Variants in HPS5 observed in about 807,000 individuals in gnomAD.
HPS5 encodes the protein BLOC-2 complex member HPS5.
A neutral mutation model predicts 128.0 loss-of-function variants in HPS5; 83 were observed. The observed-to-expected ratio is 0.65, with a 90% CI of 0.54 to 0.78. The LOEUF (loss-of-function observed/expected upper bound fraction) is 0.78, where lower values mean the gene tolerates loss of function less well. HPS5 is among the 30% of genes least tolerant of loss of function. The probability of loss-of-function intolerance (pLI) is 0.00; values close to 1 mark genes in which losing one functional copy is unlikely to be tolerated. For missense variants in HPS5, 1,281 were observed against 1,326.2 expected, an observed-to-expected ratio of 0.97 and a Z score of 0.53; for synonymous variants, 475 against 470.2, an observed-to-expected ratio of 1.01 and a Z score of -0.13.
intron 9 of HPS5, among the ~76,000 whole-genome samples, chr11:18,299,896 T>C (rs1861497760): frequency 6.6e-6 from 1 of 152,190 alleles, no homozygotes; most frequent in South Asian, 2.1e-4. Flanking sequence ...CCACATGTTC[T>C]CATTTATATG....
chr11:18,314,416 C>T (rs1426008858), intron 2 of HPS5: 2 of 152,266 alleles, frequency 1.3e-5, no homozygotes, highest in African/African-American at 4.8e-5. Context: ...GTAATCCTAG[C>T]CTCTCTGGTG....
chr11:18,314,226 G>GT (rs1863341185), intron 2 of HPS5, among the ~76,000 whole-genome samples: 1 of 151,886 alleles, frequency 6.6e-6, no homozygotes, highest in African/African-American at 2.4e-5. Context: ...GGGCAACATA[G>GT]TAAGACCGCA....
intron 20 of HPS5, among the ~76,000 whole-genome samples, chr11:18,284,312 G>A (rs1397032247): frequency 1.3e-5 from 2 of 152,088 alleles, no homozygotes; most frequent in African/African-American, 2.4e-5. Flanking sequence ...TGTAAACCTT[G>A]GAAGTCTTCC....
intron 2 of HPS5, among the ~76,000 whole-genome samples, chr11:18,314,748 TG>T (rs1164264297): frequency 6.6e-6 from 1 of 152,160 alleles, no homozygotes; most frequent in African/African-American, 2.4e-5. Context: ...TCACCCAGGC[TG>T]GAATGCAGTG....
chr11:18,290,645 G>A (rs745362809), intron 16 of HPS5, among the ~76,000 whole-genome samples: 3 of 152,182 alleles, frequency 2.0e-5, no homozygotes, highest in Non-Finnish European at 2.9e-5. Context: ...TCTAGGGCCA[G>A]GCATGGTGGC....
At chr11:18,308,050 G>A (rs561470843) in intron 6 of HPS5, among the ~76,000 whole-genome samples, 1 of 152,070 alleles carries the variant, frequency 6.6e-6, no homozygotes, top group South Asian at 2.1e-4. Context: ...TAGCTGCCAG[G>A]CCCAGTGAAA....
intron 15 of HPS5, 151 bp from the exon 16 acceptor site, chr11:18,292,170 A>C: frequency 3.1e-6 from 2 of 655,596 alleles, no homozygotes; most frequent in Admixed American, 2.8e-5. Context: ...TATCTCAACA[A>C]GATGACAAAA....
At chr11:18,295,732 G>C (rs1860979908) in intron 13 of HPS5, among the ~76,000 whole-genome samples, 1 of 152,180 alleles carries the variant, frequency 6.6e-6, no homozygotes, top group Admixed American at 6.5e-5. Context: ...ATGATACGTG[G>C]AAACTATTAC....
chr11:18,299,021 A>C, intron 9 of HPS5, 51 bp from the exon 10 acceptor site: 4 of 1,535,204 alleles, frequency 2.6e-6, no homozygotes, highest in Non-Finnish European at 3.6e-6. Flanking sequence ...AATACCCCTT[A>C]CAATTTTAAA....
chr11:18,290,038 A>G (rs974177974), intron 16 of HPS5, among the ~76,000 whole-genome samples: 1 of 152,232 alleles, frequency 6.6e-6, no homozygotes, highest in Non-Finnish European at 1.5e-5. Flanking sequence ...AGTTGTGGCT[A>G]TATGACAGAA....
intron 13 of HPS5, among the ~76,000 whole-genome samples, chr11:18,295,441 T>G (rs143260017): frequency 6.6e-6 from 1 of 152,348 alleles, no homozygotes; most frequent in East Asian, 1.9e-4. Flanking sequence ...TCTGTAATAT[T>G]TCTGTCAACT....
At position 18,291,496 on chromosome 11, in the gene HPS5, G is replaced by A; in HGVS notation, c.2386C>T (p.Leu796Phe). The change falls in exon 16 of 23, where the codon CTT (leucine) becomes TTT (phenylalanine). Residue 796 changes from leucine to phenylalanine, a missense_variant. By Grantham distance (22) the Leu-to-Phe change is conservative. Transcript: ENST00000349215. Reference sequence around the variant, plus strand: ...ACAGAAGGGCTATTACTGTAACTAAGCTTGATACTCTCCTTCGCTCTTTTC... The same window carrying A: ...ACAGAAGGGCTATTACTGTAACTAAACTTGATACTCTCCTTCGCTCTTTTC... ...NLKRAKESIK[L>F]SYSNSPSVWD... 2 of 1,613,318 alleles carry A rather than the reference G, an allele frequency of 1.2e-6. No homozygotes were observed. The highest frequency in any genetic ancestry group is 1.7e-6 in the Non-Finnish European group (2 of 1,179,542).
intron 6 of HPS5, among the ~76,000 whole-genome samples, chr11:18,306,959 T>C (rs1862446044): frequency 6.6e-6 from 1 of 152,222 alleles, no homozygotes; most frequent in Admixed American, 6.5e-5. Context: ...TAAAAACTCC[T>C]GTTACTTACT....
rs562048370 is a variant in HPS5 at position 18,313,756 on chromosome 11, A to C, written c.109-1732T>G. Among the ~76,000 whole-genome samples the C allele has an allele frequency of 4.6e-5, 7 of 152,268 alleles. No homozygotes were observed. The South Asian group carries it at 1.5e-3, about 32-fold the overall frequency. On this transcript the variant is annotated intron_variant, in intron 2 of 22. Coordinates refer to ENST00000349215, the MANE Select transcript of HPS5 (RefSeq NM_181507.2). ...AAGTGAAACCCCGTCTCTACTAAAA[A>C]TACAAAAATTAGCTGGGTGTGGCAG...
At chr11:18,312,209 C>T (rs548664671) in intron 2 of HPS5, among the ~76,000 whole-genome samples, 185 bp from the exon 3 acceptor site, 37 of 152,266 alleles carry the variant, frequency 2.4e-4, no homozygotes, top group African/African-American at 8.7e-4. Context: ...GAAGAAAGAA[C>T]ATTTTGTTTT....
chr11:18,309,541 A>G (rs2134461822), intron 5 of HPS5, among the ~76,000 whole-genome samples: 1 of 152,134 alleles, frequency 6.6e-6, no homozygotes, highest in South Asian at 2.1e-4. Context: ...TATGTGAAAG[A>G]ATTTTTCACC....
Position 18,295,983 on chromosome 11 carries a change from A to G in HPS5, c.1634+16T>C, listed in dbSNP as rs1266702017. On this transcript the variant is annotated intron_variant, in intron 13 of 22. Coordinates refer to ENST00000349215, the MANE Select transcript of HPS5 (RefSeq NM_181507.2). Reference sequence around the variant, plus strand: ...AGATCAGTAATGGAATTAAATGACAAGACTAATTGGTTTACCTTTCTTTGA... The same window carrying G: ...AGATCAGTAATGGAATTAAATGACAGGACTAATTGGTTTACCTTTCTTTGA... The G allele has an allele frequency of 1.9e-6, 3 of 1,610,556 alleles. No homozygotes were observed. The South Asian group carries it at 3.3e-5, about 18-fold the overall frequency.
chr11:18,300,696 C>CAA (rs531315010), intron 9 of HPS5, 132 bp downstream of exon 9: 297 of 389,940 alleles, frequency 7.6e-4, no homozygotes, highest in Middle Eastern at 2.5e-3. Context: ...GACTTAGTCT[C>CAA]AAAAAAAAAA....
chr11:18,316,307 AAAAG>A (rs1244514786), intron 2 of HPS5, among the ~76,000 whole-genome samples: 2 of 152,196 alleles, frequency 1.3e-5, no homozygotes, highest in Non-Finnish European at 2.9e-5. Flanking sequence ...GAAGAAAAAA[AAAAG>A]AAAGAAAAGA....
Sources: gnomAD v4.1 joint callset for allele counts (sites outside exome capture counted in the v4.1 genomes callset) on GRCh38, gnomAD v4.1.1 for gene constraint, MANE v1.5 for transcripts, NCBI Gene and HGNC (gene_info 2026-07-23, HGNC 2026-07-21) for gene names.